The following XRRA1 variants were observed in gnomAD, a reference collection of about 807,000 sequenced individuals.
XRRA1 encodes X-ray radiation resistance associated 1.
XRRA1 carries 69 observed loss-of-function variants against 80.2 expected under a neutral mutation model. The observed-to-expected ratio is 0.86, with a 90% CI of 0.71 to 1.05. The LOEUF is 1.05. Among genes scored for constraint, XRRA1 ranks in the 50% least tolerant of loss-of-function variants. The pLI, the probability that XRRA1 is intolerant of heterozygous loss-of-function variation, is 0.00. For synonymous variants in XRRA1, 348 were observed against 389.9 expected, an observed-to-expected ratio of 0.89 and a Z score of 1.27; for missense variants, 967 against 976.4, an observed-to-expected ratio of 0.99 and a Z score of 0.13.
At chr11:74,859,110 C>A in intron 12 of XRRA1, 48 bp downstream of exon 12, 1 of 1,534,068 alleles carries the variant, frequency 6.5e-7, no homozygotes, top group Non-Finnish European at 8.7e-7. Flanking sequence ...TTGCATCCCA[C>A]CTTCCCATCT....
chr11:74,888,963 A>G (rs543172297), intron 10 of XRRA1, among the ~76,000 whole-genome samples: 60 of 152,242 alleles, frequency 3.9e-4, no homozygotes, highest in Non-Finnish European at 7.2e-4. Context: ...AGAATGGAAC[A>G]AGTTGGAAAA....
chr11:74,844,361 T>G, intron 16 of XRRA1, 78 bp from the exon 17 acceptor site: 1 of 1,031,928 alleles, frequency 9.7e-7, no homozygotes, highest in Non-Finnish European at 1.5e-6. Context: ...GCTTCATTCC[T>G]CAGTCTCACA....
At chr11:74,854,011 AC>A (rs1228865030) in intron 12 of XRRA1, among the ~76,000 whole-genome samples, 1 of 152,170 alleles carries the variant, frequency 6.6e-6, no homozygotes, top group African/African-American at 2.4e-5. Flanking sequence ...ATGGGGAGGT[AC>A]AAGAGAGAGA....
chr11:74,930,179 T>A, intron 6 of XRRA1, 121 bp downstream of exon 6: 2 of 837,098 alleles, frequency 2.4e-6, no homozygotes. Flanking sequence ...CCCAGCCTAT[T>A]GTACTCCAAA....
chr11:74,851,412 G>A (rs1427896516), intron 13 of XRRA1, among the ~76,000 whole-genome samples: 1 of 152,134 alleles, frequency 6.6e-6, no homozygotes, highest in African/African-American at 2.4e-5. Flanking sequence ...GAGGCACAGA[G>A]AGGCTAAGGA....
At chr11:74,891,852 G>A (rs2050799755) in intron 10 of XRRA1, among the ~76,000 whole-genome samples, 1 of 152,194 alleles carries the variant, frequency 6.6e-6, no homozygotes, top group Admixed American at 6.5e-5. Context: ...TACAAGCAAT[G>A]TGAAGGACCT....
chr11:74,853,835 GAA>G (rs2040453935), intron 12 of XRRA1, among the ~76,000 whole-genome samples: 1 of 152,184 alleles, frequency 6.6e-6, no homozygotes, highest in African/African-American at 2.4e-5. Context: ...AAAGCAGAGA[GAA>G]AGAGGGCACC....
intron 12 of XRRA1, among the ~76,000 whole-genome samples, chr11:74,852,837 G>C (rs988473279): frequency 1.3e-5 from 2 of 152,258 alleles, no homozygotes; most frequent in Middle Eastern, 3.4e-3. Flanking sequence ...AGGATCGAAG[G>C]GGTCAGGAGT....
intron 5 of XRRA1, among the ~76,000 whole-genome samples, chr11:74,932,306 T>C (rs1943804285): frequency 6.6e-6 from 1 of 152,232 alleles, no homozygotes; most frequent in Non-Finnish European, 1.5e-5. Context: ...TCAGCTAAGC[T>C]ACCACCCTCT....
intron 10 of XRRA1, among the ~76,000 whole-genome samples, chr11:74,889,134 AT>A (rs1376100610): frequency 6.6e-6 from 1 of 152,180 alleles, no homozygotes; most frequent in East Asian, 1.9e-4. Context: ...GAAGGAAAAA[AT>A]GTTAGGGGCA....
rs117843177 is a variant in XRRA1, at chr11:74,916,808, G to T, written c.656+4406C>A. Among the ~76,000 whole-genome samples, 901 of 151,944 alleles carry T rather than the reference G, an allele frequency of 5.9e-3. 3 individuals are homozygous for T. Among genetic ancestry groups the T allele is most frequent in the Non-Finnish European group, 9.3e-3 (629 of 67,936 alleles). On this transcript the variant is annotated intron_variant, in intron 8 of 18. Coordinates refer to ENST00000684022, the MANE Select transcript of XRRA1 (RefSeq NM_001378157.1). ...TTCTTCCCTTTACCAGGGTTTGCTG[G>T]GTTTTTTTGTTTCGTGTTTGATTAT...
At position 74,848,427 on chromosome 11, in the gene XRRA1, A is replaced by G. The variant is rs750487912; in HGVS notation, c.1416T>C (p.Pro472=). Residue 472 remains proline, a synonymous_variant, in exon 15 of 19, where the codon CCT becomes CCC. Coordinates refer to ENST00000684022, the MANE Select transcript of XRRA1 (RefSeq NM_001378157.1). The part of the protein sequence containing the change: ...KSEIPKVPKQ[P]LVLHHPRMTT... ...TCATGCGCGGGTGATGGAGCACCAG[A>G]GGCTGCTTCGGCACCTTTGGGATTT... The G allele has an allele frequency of 1.9e-6, 3 of 1,612,642 alleles. No homozygotes were observed.
chr11:74,894,561 G>A (rs915955623), intron 10 of XRRA1, among the ~76,000 whole-genome samples: 7 of 152,170 alleles, frequency 4.6e-5, no homozygotes, highest in African/African-American at 1.7e-4. Context: ...CAAGGTGGCA[G>A]GTGAGAGAAT....
At chr11:74,893,204 C>T (rs1480810607) in intron 10 of XRRA1, among the ~76,000 whole-genome samples, 1 of 152,140 alleles carries the variant, frequency 6.6e-6, no homozygotes, top group Non-Finnish European at 1.5e-5. Flanking sequence ...GCCACATATA[C>T]ACCATGGAAT....
intron 10 of XRRA1, among the ~76,000 whole-genome samples, chr11:74,889,961 A>G (rs1436177444): frequency 6.6e-6 from 1 of 152,226 alleles, no homozygotes; most frequent in Non-Finnish European, 1.5e-5. Context: ...GGGAGACTTT[A>G]ACACCCCACT....
At chr11:74,871,677 A>G (rs541632867) in intron 10 of XRRA1, among the ~76,000 whole-genome samples, 2 of 151,938 alleles carry the variant, frequency 1.3e-5, no homozygotes, top group Admixed American at 6.6e-5. Flanking sequence ...TAGTTCCACT[A>G]TCTCCAAAAT....
intron 7 of XRRA1, 114 bp from the exon 8 acceptor site, chr11:74,921,461 T>A (rs111390568): frequency 4.5e-6 from 6 of 1,323,674 alleles, no homozygotes; most frequent in African/African-American, 1.5e-5. Flanking sequence ...GACAAAACCC[T>A]CCTGGATCTC....
chr11:74,868,673 G>C (rs1396177739), intron 10 of XRRA1, among the ~76,000 whole-genome samples: 1 of 149,760 alleles, frequency 6.7e-6, no homozygotes, highest in African/African-American at 2.5e-5. Context: ...ATGGAAAAGA[G>C]AAAAAAAGCA....
chr11:74,845,255 G>A lies in XRRA1; in HGVS notation c.1745C>T (p.Ser582Phe). The change falls in exon 16 of 19, where the codon TCC becomes TTC. Residue 582 changes from serine (S) to phenylalanine (F), a missense_variant. Ser to Phe is a radical substitution (Grantham distance 155). Coordinates refer to ENST00000684022, the MANE Select transcript of XRRA1 (RefSeq NM_001378157.1). ...IFLTQVSELP[S>F]SVIHKDDLEL... ...TAAATCATCCTTATGGATGACGGAG[G>A]AAGGCAGTTCACTCACCTGTGCCCA... 6.2e-7 allele frequency: 1 copy of A among 1,613,190 alleles called. No individual in the cohort carries two copies. The highest frequency in any genetic ancestry group is 8.5e-7 in the Non-Finnish European group (1 of 1,179,432).
Sources: gnomAD v4.1 joint callset for allele counts (sites outside exome capture counted in the v4.1 genomes callset) on GRCh38, gnomAD v4.1.1 for gene constraint, MANE v1.5 for transcripts, NCBI Gene and HGNC (gene_info 2026-07-23, HGNC 2026-07-21) for gene names.